The following JCAD variants were observed in gnomAD, a reference collection of about 807,000 sequenced individuals.
The protein encoded by JCAD is junctional cadherin 5-associated protein.
A neutral mutation model predicts 98.0 loss-of-function variants in JCAD; 40 were observed. The observed-to-expected ratio is 0.41, with a 90% confidence interval of 0.32 to 0.53. The LOEUF is 0.53. Among genes scored for constraint, JCAD ranks in the 20% least tolerant of loss-of-function variants. The pLI is 0.31. For missense variants in JCAD, 1,705 were observed against 1,738.1 expected (o/e 0.98, Z 0.34); for synonymous variants, 691 against 682.3 (o/e 1.01, Z -0.20).
intron 1 of JCAD, among the ~76,000 whole-genome samples, chr10:30,109,483 G>T (rs1029782133): frequency 2.0e-5 from 3 of 152,064 alleles, no homozygotes; most frequent in African/African-American, 7.2e-5. Flanking sequence ...AGCCCCTGTT[G>T]TTTCAACCAG....
chr10:30,107,608 C>T (rs1838608625), intron 1 of JCAD, among the ~76,000 whole-genome samples: 1 of 152,188 alleles, frequency 6.6e-6, no homozygotes, highest in Non-Finnish European at 1.5e-5. Flanking sequence ...CACTGCTCTG[C>T]CTATGAAGTA....
At chr10:30,039,121 C>G (rs1352953762) in intron 2 of JCAD, among the ~76,000 whole-genome samples, 1 of 152,218 alleles carries the variant, frequency 6.6e-6, no homozygotes, top group Non-Finnish European at 1.5e-5. Flanking sequence ...ACTGGGTGGC[C>G]CTTACTTGGA....
intron 1 of JCAD, among the ~76,000 whole-genome samples, chr10:30,080,135 G>A (rs1838057127): frequency 1.3e-5 from 2 of 151,894 alleles, no homozygotes; most frequent in African/African-American, 4.8e-5. Flanking sequence ...TAGTCAGTGA[G>A]TGAGGAAAAA....
In JCAD at chr10:30,047,585, C is replaced by T. The variant is rs371483049; in HGVS notation, c.228G>A (p.Pro76=). ...VSDSESRRST[P]RGHGEPQSTS... Reference sequence around the variant, plus strand: ...TGCTCTGGGGCTCCCCGTGGCCTCTCGGTGTGCTGCGGCGGCTTTCGGAGT... The same window carrying T: ...TGCTCTGGGGCTCCCCGTGGCCTCTTGGTGTGCTGCGGCGGCTTTCGGAGT... The change falls in exon 2 of 4, where the codon CCG becomes CCA. Residue 76 remains proline, a synonymous_variant. Coordinates refer to ENST00000375377, the MANE Select transcript of JCAD (RefSeq NM_020848.4). 36 of 1,614,134 alleles carry T rather than the reference C, an allele frequency of 2.2e-5. No homozygotes were observed. Among genetic ancestry groups the T allele is most frequent in the Non-Finnish European group, 2.8e-5 (33 of 1,180,006 alleles).
chr10:30,101,137 C>G (rs896650782), intron 1 of JCAD, among the ~76,000 whole-genome samples: 1 of 152,132 alleles, frequency 6.6e-6, no homozygotes, highest in Non-Finnish European at 1.5e-5. Context: ...TGGTTGGGTG[C>G]GATGGCTCAT....
At chr10:30,062,947 G>A (rs1368734392), upstream of JCAD, among the ~76,000 whole-genome samples, 1 of 152,092 alleles carries the variant, frequency 6.6e-6, no homozygotes, top group African/African-American at 2.4e-5. Flanking sequence ...CATAAATGTA[G>A]GAAGATAATA....
intron 3 of JCAD, among the ~76,000 whole-genome samples, chr10:30,023,397 C>G (rs1402713254): frequency 6.6e-6 from 1 of 152,156 alleles, no homozygotes; most frequent in Non-Finnish European, 1.5e-5. Context: ...TTACAATTGC[C>G]TGCAGTATTC....
At position 30,114,826 on chromosome 10, in the gene JCAD, A is replaced by AATAGATAGATAGATAGATAG. The variant is rs3074824; in HGVS notation, n.128+521_128+540dup. Among the ~76,000 whole-genome samples the AATAGATAGATAGATAGATAG allele has an allele frequency of 3.3e-3, 495 of 150,792 alleles. 1 individual carries two copies. Among genetic ancestry groups the AATAGATAGATAGATAGATAG allele is most frequent in the African/African-American group, 0.011 (471 of 40,988 alleles). On this transcript the variant is annotated intron_variant and non_coding_transcript_variant, in intron 1 of 2. Transcript: ENST00000465712. ...GTATTTCACAAAAATTTTAAAGCCG[A>AATAGATAGATAGATAGATAG]ATAGATAGATAGATAGATAGATAGA... is the stretch of plus-strand genomic sequence containing the variant.
Position 30,028,605 on chromosome 10 carries a change from T to G in JCAD, c.1543A>C (p.Asn515His). The G allele has an allele frequency of 6.2e-7, 1 of 1,612,966 alleles. No homozygotes were observed. Among genetic ancestry groups the G allele is most frequent in the South Asian group, 1.1e-5 (1 of 90,926 alleles). The part of the protein sequence containing the change: ...PGDGENSGLP[N>H]QRDRCVARGQ... ...CTTGCCACACAGCGGTCTCTCTGGT[T>G]GGGGAGGCCACTGTTTTCCCCATCC... Residue 515 changes from asparagine (N) to histidine (H), a missense_variant, in exon 3 of 4, where the codon AAC (asparagine) becomes CAC (histidine). Physicochemically the swap from Asn to His is moderately conservative, Grantham distance 68. Coordinates refer to ENST00000375377, the MANE Select transcript of JCAD (RefSeq NM_020848.4).
intron 1 of JCAD, among the ~76,000 whole-genome samples, chr10:30,113,170 G>A (rs1838736147): frequency 6.6e-6 from 1 of 152,176 alleles, no homozygotes; most frequent in South Asian, 2.1e-4. Context: ...TCTTTGAATA[G>A]GAGGGTCAAA....
intron 2 of JCAD, among the ~76,000 whole-genome samples, chr10:30,031,917 G>A (rs940419842): frequency 6.6e-5 from 10 of 151,124 alleles, no homozygotes; most frequent in African/African-American, 2.2e-4. Context: ...ACTACGCCCG[G>A]CTAATTTTTT....
rs368271232 is a variant in JCAD, at chr10:30,026,215, G to A, written c.3933C>T (p.Ala1311=). The change falls in exon 3 of 4, where the codon GCC becomes GCT. Residue 1311 remains alanine (A), a synonymous_variant. Coordinates refer to ENST00000375377, the MANE Select transcript of JCAD (RefSeq NM_020848.4). ...GLVSPGSGDR[A]QRLGHSLSVS... is the part of the protein sequence containing the mutation. ...CAGAGAGTGAGTGGCCCAATCTCTG[G>A]GCACGGTCCCCACTGCCAGGAGACA... 6.2e-7 allele frequency: 1 copy of A among 1,614,026 alleles called. No homozygotes were observed. The highest frequency in any genetic ancestry group is 8.5e-7 in the Non-Finnish European group (1 of 1,180,012).
chr10:30,045,302 G>A (rs941718454), intron 2 of JCAD, among the ~76,000 whole-genome samples: 7 of 151,874 alleles, frequency 4.6e-5, no homozygotes, highest in African/African-American at 9.7e-5. Flanking sequence ...GAGACCCCAC[G>A]TAACCTACAT....
At chr10:30,042,345 C>T (rs970192704) in intron 2 of JCAD, among the ~76,000 whole-genome samples, 1 of 152,150 alleles carries the variant, frequency 6.6e-6, no homozygotes, top group Non-Finnish European at 1.5e-5. Flanking sequence ...ACCTACCTCT[C>T]CCTTGTCCAG....
chr10:30,043,670 T>G (rs192678700), intron 2 of JCAD, among the ~76,000 whole-genome samples: 1 of 152,284 alleles, frequency 6.6e-6, no homozygotes, highest in African/African-American at 2.4e-5. Context: ...GACAAGGGAC[T>G]GAGAAAAGAC....
chr10:30,037,123 T>C (rs1316782857), intron 2 of JCAD, among the ~76,000 whole-genome samples: 1 of 152,226 alleles, frequency 6.6e-6, no homozygotes, highest in East Asian at 1.9e-4. Context: ...GCGACTCACA[T>C]TCACCAACCC....
chr10:30,075,986 A>G (rs978018592), intron 1 of JCAD, among the ~76,000 whole-genome samples: 1 of 151,930 alleles, frequency 6.6e-6, no homozygotes, highest in African/African-American at 2.4e-5. Flanking sequence ...CCTGAGGCAT[A>G]TGTGGTTTTA....
intron 1 of JCAD, among the ~76,000 whole-genome samples, chr10:30,076,821 G>A (rs544890632): frequency 1.1e-4 from 17 of 152,108 alleles, no homozygotes; most frequent in Non-Finnish European, 2.4e-4. Context: ...AAGCCATCAC[G>A]CTTGTCAAGG....
intron 2 of JCAD, among the ~76,000 whole-genome samples, chr10:30,034,494 T>G (rs1362976602): frequency 6.6e-6 from 1 of 152,144 alleles, no homozygotes; most frequent in Non-Finnish European, 1.5e-5. Flanking sequence ...TTGTTGTCAT[T>G]GAAATTATGT....
Sources: allele counts gnomAD v4.1 joint callset (sites outside exome capture counted in the v4.1 genomes callset), GRCh38; gene constraint gnomAD v4.1.1; transcripts MANE v1.5; gene names NCBI Gene and HGNC (gene_info 2026-07-23, HGNC 2026-07-21).